CTTNBP2NL: variants seen among roughly 807,000 people sequenced by gnomAD.
CTTNBP2NL encodes CTTNBP2 N-terminal like.
A neutral mutation model predicts 32.5 loss-of-function variants in CTTNBP2NL; 16 were observed. The observed-to-expected ratio is 0.49, with a 90% CI of 0.33 to 0.75. The LOEUF is 0.75. Ranked by LOEUF, CTTNBP2NL falls within the 30% of genes least tolerant of loss-of-function variation. CTTNBP2NL has a pLI of 0.02. For synonymous variants in CTTNBP2NL, 298 were observed against 289.4 expected (o/e 1.03, Z -0.30); for missense variants, 645 against 756.0 (o/e 0.85, Z 1.72).
chr1:112,449,753 T>TGTGTGTGTGTGTGCGTG (rs58369949), intron 4 of CTTNBP2NL, among the ~76,000 whole-genome samples: 1 of 25,340 alleles, frequency 3.9e-5, no homozygotes, highest in African/African-American at 4.7e-5. Context: ...TGTGTGTGTG[T>TGTGTGTGTGTGTGCGTG]TTTCCATATT....
At chr1:112,430,462 T>C (rs1649538040) in intron 3 of CTTNBP2NL, among the ~76,000 whole-genome samples, 1 of 151,620 alleles carries the variant, frequency 6.6e-6, no homozygotes, top group Non-Finnish European at 1.5e-5. Flanking sequence ...GGTCTCGAAC[T>C]CCTGACCTCA....
intron 3 of CTTNBP2NL, among the ~76,000 whole-genome samples, chr1:112,437,681 AC>A (rs2101021572): frequency 6.6e-6 from 1 of 151,996 alleles, no homozygotes; most frequent in Non-Finnish European, 1.5e-5. Context: ...CCACCAGCAC[AC>A]CCAGCTAATT....
At chr1:112,441,197 G>A (rs1649882530) in intron 3 of CTTNBP2NL, among the ~76,000 whole-genome samples, 1 of 152,084 alleles carries the variant, frequency 6.6e-6, no homozygotes, top group African/African-American at 2.4e-5. Flanking sequence ...CCCCTTCCCA[G>A]TCAATCATCC....
chr1:112,451,246 T>C (rs1650206227), intron 4 of CTTNBP2NL, among the ~76,000 whole-genome samples: 1 of 151,492 alleles, frequency 6.6e-6, no homozygotes, highest in Non-Finnish European at 1.5e-5. Flanking sequence ...GCAGATTTAG[T>C]TATCTTACAC....
intron 3 of CTTNBP2NL, among the ~76,000 whole-genome samples, chr1:112,424,158 T>TTTACACTTAAGTTTTACAC (rs2101009395): frequency 6.6e-6 from 1 of 152,382 alleles, no homozygotes; most frequent in East Asian, 1.9e-4. Flanking sequence ...GTCTCATAGT[T>TTTACACTTAAGTTTTACAC]TTAAGTTTTA....
chr1:112,408,317 A>C (rs1019565464), intron 1 of CTTNBP2NL, among the ~76,000 whole-genome samples: 3 of 139,900 alleles, frequency 2.1e-5, no homozygotes, highest in Admixed American at 1.5e-4. Flanking sequence ...TGCTGAGATT[A>C]CAGGCATATG....
At chr1:112,429,770 T>TA (rs1456014662) in intron 3 of CTTNBP2NL, among the ~76,000 whole-genome samples, 2 of 152,120 alleles carry the variant, frequency 1.3e-5, no homozygotes, top group African/African-American at 4.8e-5. Context: ...GTGAAACTAA[T>TA]AAAATGAAAG....
intron 1 of CTTNBP2NL, among the ~76,000 whole-genome samples, chr1:112,402,127 G>T (rs1009605398): frequency 6.6e-6 from 1 of 152,154 alleles, no homozygotes; most frequent in Non-Finnish European, 1.5e-5. Flanking sequence ...CCATAGAAAG[G>T]TGAGAGCCAG....
upstream of CTTNBP2NL, among the ~76,000 whole-genome samples, chr1:112,393,339 A>G (rs1570706319): frequency 6.6e-6 from 1 of 152,154 alleles, no homozygotes; most frequent in Non-Finnish European, 1.5e-5. Flanking sequence ...AGCAATAAAC[A>G]TTTATGGAAA....
At chr1:112,425,363 C>T (rs949781546) in intron 3 of CTTNBP2NL, among the ~76,000 whole-genome samples, 2 of 151,914 alleles carry the variant, frequency 1.3e-5, no homozygotes, top group South Asian at 2.1e-4. Context: ...CCCAGCCACT[C>T]AGGAGGCTGA....
chr1:112,449,287 T>A, intron 4 of CTTNBP2NL, 115 bp downstream of exon 4: 1 of 597,806 alleles, frequency 1.7e-6, no homozygotes, highest in African/African-American at 1.9e-5. Context: ...ATCTCACGGG[T>A]ATCAAAAAGC....
rs1265526035 is a variant in CTTNBP2NL at position 112,412,461 on chromosome 1, A to T, written c.-10+144A>T. 7 of 152,294 alleles carry T rather than the reference A, an allele frequency of 4.6e-5. No individual in the cohort carries two copies. In the East Asian group the frequency reaches 1.4e-3, roughly 29 times the overall value. The allele number at this position is 152,294 out of a possible 1,614,324, so 9.4% of individuals were successfully genotyped here. On this transcript the variant is annotated intron_variant, in intron 2 of 5. Transcript: ENST00000271277. The stretch of plus-strand genomic sequence containing the variant: ...CATTCAAATGCATAGAACAGAAGGA[A>T]CTGTTAAATGTTAATACTTATAAAT...
intron 4 of CTTNBP2NL, among the ~76,000 whole-genome samples, chr1:112,452,357 T>G (rs1650249537): frequency 6.9e-6 from 1 of 144,766 alleles, no homozygotes; most frequent in South Asian, 2.2e-4. Context: ...TTTTTTTTTT[T>G]TTTTTAGACA....
At position 112,456,487 on chromosome 1, in the gene CTTNBP2NL, ACACTGGGCTGCCTGGTCCTGC is replaced by A. The variant is rs770946785; in HGVS notation, c.1000_1020del (p.Gly334_Thr340del). The A allele has an allele frequency of 4.3e-6, 7 of 1,614,080 alleles. No homozygotes were observed. Among genetic ancestry groups the A allele is most frequent in the Non-Finnish European group, 5.9e-6 (7 of 1,180,000 alleles). On this transcript the variant is annotated inframe_deletion, in exon 6 of 6. Coordinates refer to ENST00000271277, the MANE Select transcript of CTTNBP2NL (RefSeq NM_018704.3). ...GGGAGCAACATAGCCAAGATGACAA[ACACTGGGCTGCCTGGTCCTGC>A]CACTCCTGCTTACTCATATGCAAAA... is the stretch of plus-strand genomic sequence containing the variant.
upstream of CTTNBP2NL, among the ~76,000 whole-genome samples, chr1:112,394,806 T>G (rs1028812965): frequency 2.0e-5 from 3 of 152,198 alleles, no homozygotes; most frequent in African/African-American, 7.2e-5. Flanking sequence ...TCATACATCC[T>G]TACTGGAAAT....
In CTTNBP2NL at chr1:112,460,792, AG is replaced by A. The variant is rs1425012375; in HGVS notation, c.*3381del. On this transcript the variant is annotated 3_prime_UTR_variant, in exon 6 of 6. Coordinates refer to ENST00000271277, the MANE Select transcript of CTTNBP2NL (RefSeq NM_018704.3). ...ATAGTGTGGATGTTTACATATCTGA[AG>A]TTTTCAGCATTTAAGCAAATTAATG... 4 of 152,324 alleles carry A rather than the reference AG, an allele frequency of 2.6e-5. No individual in the cohort carries two copies. The highest frequency in any genetic ancestry group is 3.4e-3 in the Middle Eastern group (1 of 294). The allele number at this position is 152,324 out of a possible 1,614,324, so 9.4% of individuals were successfully genotyped here. A position where few individuals can be genotyped will look rare whatever the true frequency, so the allele number is the denominator to read the frequency against.
intron 3 of CTTNBP2NL, 146 bp from the exon 4 acceptor site, chr1:112,448,796 T>C: frequency 1.6e-6 from 1 of 609,008 alleles, no homozygotes; most frequent in Non-Finnish European, 3.0e-6. Context: ...TAATGCTGTT[T>C]CTTTAGATGG....
chr1:112,457,328 A>T lies in CTTNBP2NL; in HGVS notation c.1836A>T (p.Ala612=). 1 of 1,614,190 alleles carries T rather than the reference A, an allele frequency of 6.2e-7. No individual in the cohort carries two copies. Among genetic ancestry groups the T allele is most frequent in the South Asian group, 1.1e-5 (1 of 91,084 alleles). Residue 612 remains alanine (A), a synonymous_variant, in exon 6 of 6, where the codon GCA becomes GCT. Coordinates refer to ENST00000271277, the MANE Select transcript of CTTNBP2NL (RefSeq NM_018704.3). ...CCCAGGCAGCCTCTTTGACCACTGC[A>T]GAAGACCTTGCCAGCAGCTGCTCTT... The part of the protein sequence containing the change: ...THSQAASLTT[A]EDLASSCSSN...
chr1:112,412,816 AC>A (rs1410448024), intron 2 of CTTNBP2NL, among the ~76,000 whole-genome samples: 1 of 151,868 alleles, frequency 6.6e-6, no homozygotes, highest in Non-Finnish European at 1.5e-5. Context: ...ACAGGGTTTC[AC>A]CATGTTGGCC....
Sources: allele counts gnomAD v4.1 joint callset (sites outside exome capture counted in the v4.1 genomes callset), GRCh38; gene constraint gnomAD v4.1.1; transcripts MANE v1.5; gene names NCBI Gene and HGNC (gene_info 2026-07-23, HGNC 2026-07-21).